ADAMTS13: variants seen among roughly 807,000 people sequenced by gnomAD.
The protein encoded by ADAMTS13 is ADAM metallopeptidase with thrombospondin type 1 motif 13.
Under a neutral mutation model 155.1 loss-of-function variants are expected in ADAMTS13, and 110 were observed. That is an observed-to-expected ratio of 0.71 (90% CI 0.61 to 0.83). The LOEUF is 0.83. ADAMTS13 is among the 40% of genes least tolerant of loss of function. The probability of loss-of-function intolerance (pLI) is 0.00; values close to 1 mark genes in which losing one functional copy is unlikely to be tolerated. For synonymous variants in ADAMTS13, 758 were observed against 756.4 expected, an observed-to-expected ratio of 1.00 and a Z score of -0.03; for missense variants, 1,707 against 1,891.7, an observed-to-expected ratio of 0.90 and a Z score of 1.81.
At chr9:133,414,468 G>A (rs781973787) in exon 1 of ADAMTS13, 12 of 704,938 alleles carry the variant, frequency 1.7e-5, no homozygotes, top group Admixed American at 1.2e-4. Context: ...TCTGCTCAAC[G>A]CTCGGAAGAA....
In ADAMTS13 at chr9:133,433,643, C is replaced by A. The variant is rs369465957; in HGVS notation, c.1247C>A (p.Pro416His). 1 of 1,613,904 alleles carries A rather than the reference C, an allele frequency of 6.2e-7. No individual in the cohort carries two copies. The highest frequency in any genetic ancestry group is 1.3e-5 in the African/African-American group (1 of 74,890). Reference protein sequence around the residue: ...TRRRQCNNPRPAFGGRACVGA... With the variant: ...TRRRQCNNPRHAFGGRACVGA... ...TCCTGTCTGCTGGGCATTTTCAGACCTGCCTTTGGGGGGCGTGCATGTGTT... is the reference window on the plus strand; with the variant it reads ...TCCTGTCTGCTGGGCATTTTCAGACATGCCTTTGGGGGGCGTGCATGTGTT... The change falls in exon 11 of 29, where the codon CCT becomes CAT. Residue 416 changes from proline (P) to histidine (H), a missense_variant and splice_region_variant. This residue lies in a region of ADAMTS13 where 733 missense variants were observed against 749.6 expected (regional missense o/e 0.98). Coordinates refer to ENST00000355699, the MANE Select transcript of ADAMTS13 (RefSeq NM_139027.6).
chr9:133,419,105 G>A (rs935330891), upstream of ADAMTS13, among the ~76,000 whole-genome samples: 13 of 152,130 alleles, frequency 8.5e-5, no homozygotes, highest in African/African-American at 3.1e-4. Context: ...CTCCCAAAGC[G>A]CTGGGATTAC....
rs1402092541 is a variant in ADAMTS13, at chr9:133,459,348, CA to C, written c.*169del. 1 of 751,288 alleles carries C rather than the reference CA, an allele frequency of 1.3e-6. No homozygotes were observed. The highest frequency in any genetic ancestry group is 2.3e-6 in the Non-Finnish European group (1 of 432,650). The allele number at this position is 751,288 out of a possible 1,614,324, so 46.5% of individuals were successfully genotyped here. On this transcript the variant is annotated 3_prime_UTR_variant, in exon 29 of 29. Coordinates refer to ENST00000355699, the MANE Select transcript of ADAMTS13 (RefSeq NM_139027.6). ...GTGGGGACTCTGGAAAAGCAGCCCCCATTTCCTCGGGTACCAATAAATAAAA... is the reference window on the plus strand; with the variant it reads ...GTGGGGACTCTGGAAAAGCAGCCCCCTTTCCTCGGGTACCAATAAATAAAA...
intron 1 of ADAMTS13, chr9:133,415,713 GA>G (rs1433064601): frequency 1.3e-5 from 2 of 152,240 alleles, no homozygotes; most frequent in Non-Finnish European, 2.9e-5. Context: ...GGATGAATTA[GA>G]AAACACTCCA....
Position 133,433,533 on chromosome 9 carries a change from C to T in ADAMTS13, c.1244+4C>T. On this transcript the variant is annotated splice_donor_region_variant and intron_variant, in intron 10 of 28. Transcript: ENST00000355699. Reference sequence around the variant, plus strand: ...GGCGGCAGTGCAACAACCCCAGGTACCGCAGGGAGGGTGCTTTTCTGTCAG... The same window carrying T: ...GGCGGCAGTGCAACAACCCCAGGTATCGCAGGGAGGGTGCTTTTCTGTCAG... The T allele has an allele frequency of 6.2e-7, 1 of 1,613,642 alleles. No individual in the cohort carries two copies. Among genetic ancestry groups the T allele is most frequent in the Non-Finnish European group, 8.5e-7 (1 of 1,179,926 alleles).
At chr9:133,430,217 A>T in intron 8 of ADAMTS13, 116 bp downstream of exon 8, 1 of 1,388,462 alleles carries the variant, frequency 7.2e-7, no homozygotes, top group East Asian at 2.5e-5. Context: ...AGGCTGAGGT[A>T]CTAAGCCAGG....
chr9:133,445,437 T>A lies in ADAMTS13; in HGVS notation c.2611-262T>A, dbSNP rs36221585. ...GATTGCAGGGCCAGGCATGCTCCCA[T>A]GTCCCACTCTTGGTCCCCAGCTCTC... On this transcript the variant is annotated intron_variant, in intron 20 of 28. Transcript: ENST00000355699. The surrounding 1 kb of genome is among the most constrained non-coding windows in gnomAD (Gnocchi z 5.0). Among the ~76,000 whole-genome samples the A allele has an allele frequency of 0.039, 5,952 of 152,234 alleles. 360 individuals are homozygous for A. The highest frequency in any genetic ancestry group is 0.13 in the African/African-American group (5,304 of 41,532).
chr9:133,417,797 G>A, upstream of ADAMTS13: 1 of 1,607,394 alleles, frequency 6.2e-7, no homozygotes, highest in Middle Eastern at 1.7e-4. Context: ...GCTTAGCCAC[G>A]GGGCTGCTCG....
In ADAMTS13 at chr9:133,448,714, C is replaced by T. The variant is rs1554793358; in HGVS notation, c.2847C>T (p.Val949=). 3 of 1,602,124 alleles carry T rather than the reference C, an allele frequency of 1.9e-6. No individual in the cohort carries two copies. Among genetic ancestry groups the T allele is most frequent in the Non-Finnish European group, 2.5e-6 (3 of 1,179,872 alleles). ...PGSRREVCQA[V]PCPARWQYKL... is the part of the protein sequence containing the mutation. ...GCCGGCGGGAGGTCTGCCAGGCTGT[C>T]CCGTGCCCTGCTCGGTGAGTGAGGG... is the stretch of plus-strand genomic sequence containing the variant. The change falls in exon 22 of 29, where the codon GTC becomes GTT. Residue 949 remains valine, a synonymous_variant. Transcript: ENST00000355699.
Position 133,441,689 on chromosome 9 carries a change from G to A in ADAMTS13, c.1969-710G>A, listed in dbSNP as rs1554790794. ...CAGGAACCTGCTGAAGTTCTTCCTA[G>A]TGCTCTCCGGGCCAGTCCCAAGCCA... On this transcript the variant is annotated intron_variant, in intron 16 of 28. Transcript: ENST00000355699. The surrounding 1 kb of genome is among the most constrained non-coding windows in gnomAD (Gnocchi z 5.0). Among the ~76,000 whole-genome samples the A allele has an allele frequency of 6.6e-6, 1 of 152,138 alleles. No individual in the cohort carries two copies. Among genetic ancestry groups the A allele is most frequent in the Non-Finnish European group, 1.5e-5 (1 of 68,022 alleles).
chr9:133,446,131 A>G (rs1269725507), intron 21 of ADAMTS13, among the ~76,000 whole-genome samples: 2 of 152,230 alleles, frequency 1.3e-5, no homozygotes, highest in Non-Finnish European at 2.9e-5. Flanking sequence ...CTTAGCTTTA[A>G]GATACACAGC....
chr9:133,432,991 C>A (rs36219900), intron 9 of ADAMTS13, among the ~76,000 whole-genome samples: 1,504 of 148,372 alleles, frequency 0.01, 22 homozygotes, highest in African/African-American at 0.036. Flanking sequence ...CGGGGGGGAT[C>A]CCTGTGTAAG....
chr9:133,444,831 A>T (rs1554791973), intron 19 of ADAMTS13, 32 bp from the exon 20 acceptor site: 1 of 1,610,006 alleles, frequency 6.2e-7, no homozygotes, highest in South Asian at 1.1e-5. Context: ...TGGCAGAGGC[A>T]GGGCCTGATG....
chr9:133,440,471 C>T lies in ADAMTS13; in HGVS notation c.1914C>T (p.Pro638=). The stretch of plus-strand genomic sequence containing the variant: ...TGGCCCTCACCGAGGACCGGCTGCC[C>T]CGCCTGGAGGAGATCCGCATCTGGG... ...YRVALTEDRL[P]RLEEIRIWGP... is the part of the protein sequence containing the mutation. The change falls in exon 16 of 29, where the codon CCC becomes CCT. Residue 638 remains proline (P), a synonymous_variant. Coordinates refer to ENST00000355699, the MANE Select transcript of ADAMTS13 (RefSeq NM_139027.6). This position sits in a 1 kb window ranked among gnomAD's most constrained non-coding sequence, Gnocchi z 4.3. The T allele has an allele frequency of 6.2e-7, 1 of 1,613,502 alleles. No individual in the cohort carries two copies. The highest frequency in any genetic ancestry group is 8.5e-7 in the Non-Finnish European group (1 of 1,179,942).
At chr9:133,417,274 C>T (rs1839691502), upstream of ADAMTS13, among the ~76,000 whole-genome samples, 1 of 152,272 alleles carries the variant, frequency 6.6e-6, no homozygotes, top group African/African-American at 2.4e-5. Context: ...GCCTCGGCCT[C>T]CCAAAGTGCT....
Position 133,445,733 on chromosome 9 carries a change from C to G in ADAMTS13, c.2645C>G (p.Ser882Cys). The G allele has an allele frequency of 6.2e-7, 1 of 1,612,420 alleles. No individual in the cohort carries two copies. Among genetic ancestry groups the G allele is most frequent in the Non-Finnish European group, 8.5e-7 (1 of 1,179,380 alleles). The change falls in exon 21 of 29, where the codon TCC becomes TGC. Residue 882 changes from serine to cysteine, a missense_variant. Transcript: ENST00000355699. The surrounding 1 kb of genome is among the most constrained non-coding windows in gnomAD (Gnocchi z 5.0). ...ACCTCTGCAGGGGAGAAGGCTCCCT[C>G]CCCATGGGGCAGCATCAGGACGGGG... ...DATSAGEKAP[S>C]PWGSIRTGAQ...
intron 6 of ADAMTS13, 58 bp downstream of exon 6, chr9:133,426,403 G>T: frequency 6.3e-7 from 1 of 1,594,502 alleles, no homozygotes; most frequent in South Asian, 1.1e-5. Context: ...TGGGTACCCA[G>T]GGTGGAGGTG....
intron 14 of ADAMTS13, among the ~76,000 whole-genome samples, chr9:133,438,808 G>A (rs1025275325): frequency 6.6e-6 from 1 of 151,848 alleles, no homozygotes; most frequent in Non-Finnish European, 1.5e-5. Flanking sequence ...TAGCTACTCA[G>A]GAGGCTGAGG....
At chr9:133,448,795 C>T in intron 22 of ADAMTS13, 67 bp downstream of exon 22, 1 of 1,568,518 alleles carries the variant, frequency 6.4e-7, no homozygotes, top group Non-Finnish European at 8.6e-7. Context: ...AGCCTTGGCT[C>T]CATGCCCGGT....
Sources: gnomAD v4.1 joint callset for allele counts (sites outside exome capture counted in the v4.1 genomes callset) on GRCh38, gnomAD v4.1.1 for gene constraint, gnomAD v4.1.1 regional missense constraint, Gnocchi (gnomAD v3.1) non-coding constraint, MANE v1.5 for transcripts, NCBI Gene and HGNC (gene_info 2026-07-23, HGNC 2026-07-21) for gene names.